Variants in NKAIN2 observed in about 807,000 individuals in gnomAD.
NKAIN2 encodes the protein sodium/potassium-transporting ATPase subunit beta-1-interacting protein 2.
NKAIN2 carries 14 observed loss-of-function variants against 32.6 expected under a neutral mutation model. The ratio of observed to expected loss-of-function variants is 0.43; its 90% confidence interval spans 0.28 to 0.67. The LOEUF is 0.67. Among genes scored for constraint, NKAIN2 ranks in the 30% least tolerant of loss-of-function variants. The pLI is 0.17. For missense variants in NKAIN2, 198 were observed against 258.3 expected (o/e 0.77, Z 1.60); for synonymous variants, 80 against 87.2 (o/e 0.92, Z 0.46).
chr6:123,952,762 T>G (rs1462041214), intron 1 of NKAIN2, among the ~76,000 whole-genome samples: 6 of 152,158 alleles, frequency 3.9e-5, no homozygotes, highest in Non-Finnish European at 8.8e-5. Context: ...TGATATCTCT[T>G]TGGGAAATTT....
intron 3 of NKAIN2, among the ~76,000 whole-genome samples, chr6:124,483,744 AT>A (rs1392069206): frequency 6.6e-6 from 1 of 152,030 alleles, no homozygotes; most frequent in African/African-American, 2.4e-5. Flanking sequence ...ATTTTTTGGA[AT>A]CTCCAAGAAA....
intron 5 of NKAIN2, among the ~76,000 whole-genome samples, chr6:124,791,924 T>A (rs150427677): frequency 2.6e-5 from 4 of 152,148 alleles, no homozygotes; most frequent in African/African-American, 9.6e-5. Context: ...CACAAATGGC[T>A]AGAACTCTAA....
At chr6:124,400,093 C>T (rs9491156) in intron 3 of NKAIN2, among the ~76,000 whole-genome samples, 13,892 of 151,980 alleles carry the variant, frequency 0.091, 1,147 homozygotes, top group African/African-American at 0.22. Context: ...GCAGAACATT[C>T]GCGACTTAAT....
chr6:124,151,360 G>C (rs1260839828), intron 1 of NKAIN2, among the ~76,000 whole-genome samples: 1 of 151,702 alleles, frequency 6.6e-6, no homozygotes, highest in Non-Finnish European at 1.5e-5. Flanking sequence ...AAATAACAAC[G>C]TCCCATATCA....
chr6:123,848,250 A>G (rs1265879584), intron 1 of NKAIN2, among the ~76,000 whole-genome samples: 3 of 152,186 alleles, frequency 2.0e-5, no homozygotes, highest in Non-Finnish European at 4.4e-5. Flanking sequence ...ACCAAGGATG[A>G]AGGGATGAAG....
intron 1 of NKAIN2, among the ~76,000 whole-genome samples, chr6:124,117,129 A>T (rs546717859): frequency 1.3e-5 from 2 of 152,208 alleles, no homozygotes; most frequent in Admixed American, 6.5e-5. Flanking sequence ...AATCAATTTC[A>T]TATTTTTCAA....
At chr6:124,331,189 T>G (rs1797634796) in intron 2 of NKAIN2, among the ~76,000 whole-genome samples, 1 of 151,708 alleles carries the variant, frequency 6.6e-6, no homozygotes, top group South Asian at 2.1e-4. Context: ...TTTTTCAATT[T>G]AGAGTTAGGA....
intron 6 of NKAIN2, among the ~76,000 whole-genome samples, chr6:124,822,838 C>T (rs1342546928): frequency 6.6e-6 from 1 of 151,976 alleles, no homozygotes; most frequent in African/African-American, 2.4e-5. Flanking sequence ...AAAATAGCTG[C>T]TTTGACTACC....
At chr6:124,272,023 G>C (rs990324287) in intron 1 of NKAIN2, among the ~76,000 whole-genome samples, 1 of 152,096 alleles carries the variant, frequency 6.6e-6, no homozygotes, top group Non-Finnish European at 1.5e-5. Context: ...ACAAAGAGAT[G>C]GTTTGGAATT....
intron 1 of NKAIN2, among the ~76,000 whole-genome samples, chr6:124,063,457 A>G (rs1288317425): frequency 1.3e-5 from 2 of 152,114 alleles, no homozygotes; most frequent in African/African-American, 4.8e-5. Flanking sequence ...TTGATCACTG[A>G]TGAGACTACT....
At chr6:124,473,375 G>A (rs1777054451) in intron 3 of NKAIN2, among the ~76,000 whole-genome samples, 1 of 151,992 alleles carries the variant, frequency 6.6e-6, no homozygotes, top group Non-Finnish European at 1.5e-5. Flanking sequence ...TTTGAAATAA[G>A]GTACCCCTTT....
At chr6:123,879,613 C>A (rs1773354485) in intron 1 of NKAIN2, among the ~76,000 whole-genome samples, 1 of 152,162 alleles carries the variant, frequency 6.6e-6, no homozygotes, top group African/African-American at 2.4e-5. Flanking sequence ...AGGACACAAG[C>A]ACCTCAGTGT....
At chr6:124,061,695 G>A (rs1050898778) in intron 1 of NKAIN2, among the ~76,000 whole-genome samples, 1 of 151,444 alleles carries the variant, frequency 6.6e-6, no homozygotes, top group Admixed American at 6.6e-5. Flanking sequence ...TGTTTTTAGA[G>A]TACTCATACT....
chr6:124,171,849 A>G (rs1200409574), intron 1 of NKAIN2, among the ~76,000 whole-genome samples: 2 of 116,700 alleles, frequency 1.7e-5, no homozygotes, highest in Non-Finnish European at 3.5e-5. Flanking sequence ...ACCGCGGCCG[A>G]CTCTTTTTTT....
intron 1 of NKAIN2, among the ~76,000 whole-genome samples, chr6:124,077,796 C>T (rs565473847): frequency 6.6e-6 from 1 of 151,844 alleles, no homozygotes; most frequent in Non-Finnish European, 1.5e-5. Context: ...TTGAAGGCTT[C>T]ACTTTGTTGC....
At chr6:124,396,423 T>A (rs1466089873) in intron 3 of NKAIN2, among the ~76,000 whole-genome samples, 1 of 142,918 alleles carries the variant, frequency 7.0e-6, no homozygotes, top group African/African-American at 2.7e-5. Context: ...GACCTGCTAT[T>A]TGATTAAAAA....
At chr6:123,930,283 T>G (rs1776194777) in intron 1 of NKAIN2, among the ~76,000 whole-genome samples, 1 of 152,200 alleles carries the variant, frequency 6.6e-6, no homozygotes, top group Non-Finnish European at 1.5e-5. Flanking sequence ...GTTTGTACAT[T>G]TTATGGTGTA....
intron 1 of NKAIN2, among the ~76,000 whole-genome samples, chr6:124,106,928 A>G (rs573795323): frequency 6.6e-6 from 1 of 152,330 alleles, no homozygotes; most frequent in Admixed American, 6.5e-5. Flanking sequence ...CAAACAAAAC[A>G]TATACCATAT....
At chr6:124,107,752 G>A (rs755849148) in intron 1 of NKAIN2, among the ~76,000 whole-genome samples, 17 of 152,064 alleles carry the variant, frequency 1.1e-4, no homozygotes, top group Non-Finnish European at 2.5e-4. Context: ...GCTTCTAGGA[G>A]TTTTACTATT....
Sources: gnomAD v4.1 joint callset for allele counts (sites outside exome capture counted in the v4.1 genomes callset) on GRCh38, gnomAD v4.1.1 for gene constraint, MANE v1.5 for transcripts, NCBI Gene and HGNC (gene_info 2026-07-23, HGNC 2026-07-21) for gene names.